Variants in CAMKMT observed in about 807,000 individuals in gnomAD.
CAMKMT encodes the protein CaM KMT.
CAMKMT carries 53 observed loss-of-function variants against 48.0 expected under a neutral mutation model. That is an observed-to-expected ratio of 1.10 (90% confidence interval 0.89 to 1.39). The LOEUF (loss-of-function observed/expected upper bound fraction) is 1.39. Among genes scored for constraint, CAMKMT ranks in the 40% most tolerant of loss-of-function variants. CAMKMT has a pLI of 0.00. For synonymous variants in CAMKMT, 165 were observed against 152.3 expected, an observed-to-expected ratio of 1.08 and a Z score of -0.61; for missense variants, 428 against 402.7, an observed-to-expected ratio of 1.06 and a Z score of -0.54.
rs764033720 is a variant in CAMKMT at position 44,362,105 on chromosome 2, C to T, written c.98C>T (p.Ser33Leu). Reference sequence around the variant, plus strand: ...TGCACCACTCGGGGGCCCGTAGTCTCGGCGCCCCTGGGAGCCGCCCGGTGG... The same window carrying T: ...TGCACCACTCGGGGGCCCGTAGTCTTGGCGCCCCTGGGAGCCGCCCGGTGG... ...VGCTTRGPVVSAPLGAARWKL... is the reference protein window; with the variant it reads ...VGCTTRGPVVLAPLGAARWKL... The change falls in exon 1 of 11, where the codon TCG (serine) becomes TTG (leucine). Residue 33 changes from serine to leucine, a missense_variant. By Grantham distance (145) the Ser-to-Leu change is moderately radical. Transcript: ENST00000378494. 8 of 1,467,212 alleles carry T rather than the reference C, an allele frequency of 5.5e-6. No homozygotes were observed. The African/African-American group carries it at 1.0e-4, about 19-fold the overall frequency. The allele number at this position is 1,467,212 out of a possible 1,614,324, so 90.9% of individuals were successfully genotyped here. A position where few individuals can be genotyped will look rare whatever the true frequency, so the allele number is the denominator to read the frequency against.
intron 3 of CAMKMT, among the ~76,000 whole-genome samples, chr2:44,602,760 A>T (rs768111361): frequency 6.6e-6 from 1 of 152,042 alleles, no homozygotes; most frequent in Non-Finnish European, 1.5e-5. Flanking sequence ...CCTCACAAAC[A>T]TGAGAATAGC....
chr2:44,663,118 A>T lies in CAMKMT; in HGVS notation c.377-41165A>T, dbSNP rs149599612. Among the ~76,000 whole-genome samples, 968 of 152,324 alleles carry T rather than the reference A, an allele frequency of 6.4e-3. 13 individuals are homozygous for T. Among genetic ancestry groups the T allele is most frequent in the African/African-American group, 0.022 (906 of 41,580 alleles). ...TTAAACAGCCATGGTATAATTATAA[A>T]ATCAGGAAATTTAACATTGGTATAA... On this transcript the variant is annotated intron_variant, in intron 3 of 10. Coordinates refer to ENST00000378494, the MANE Select transcript of CAMKMT (RefSeq NM_024766.5).
intron 3 of CAMKMT, among the ~76,000 whole-genome samples, chr2:44,614,167 T>G (rs552391561): frequency 1.3e-5 from 2 of 152,152 alleles, no homozygotes. Context: ...GGACTAGATA[T>G]TGAAAGTGAA....
intron 3 of CAMKMT, among the ~76,000 whole-genome samples, chr2:44,405,696 T>G (rs1682729779): frequency 6.6e-6 from 1 of 152,066 alleles, no homozygotes; most frequent in Non-Finnish European, 1.5e-5. Context: ...TCATCCAAGA[T>G]AATAATAACT....
chr2:44,655,864 G>A (rs1445917427), intron 3 of CAMKMT, among the ~76,000 whole-genome samples: 3 of 152,160 alleles, frequency 2.0e-5, no homozygotes, highest in Non-Finnish European at 4.4e-5. Context: ...GGAATCTGGA[G>A]AAGCCAGTAG....
intron 8 of CAMKMT, among the ~76,000 whole-genome samples, chr2:44,749,042 A>C (rs555414980): frequency 6.6e-6 from 1 of 152,296 alleles, no homozygotes; most frequent in South Asian, 2.1e-4. Flanking sequence ...GGGAAAGATA[A>C]AGTCTTTCCA....
In CAMKMT at chr2:44,707,453, G is replaced by T. The variant is rs1449794931; in HGVS notation, c.547G>T (p.Ala183Ser). 1 of 1,611,984 alleles carries T rather than the reference G, an allele frequency of 6.2e-7. No homozygotes were observed. The highest frequency in any genetic ancestry group is 1.7e-5 in the Admixed American group (1 of 59,858). Residue 183 changes from alanine to serine, a missense_variant, in exon 6 of 11, where the codon GCC (alanine) becomes TCC (serine). Transcript: ENST00000378494. Reference sequence around the variant, plus strand: ...TCTGTTAACTGATGGGAATGAAAAGGCCATCAGAAGTATCCTTATTCAGAT... The same window carrying T: ...TCTGTTAACTGATGGGAATGAAAAGTCCATCAGAAGTATCCTTATTCAGAT... ...EVLLTDGNEK[A>S]IRNVQDIITR...
At chr2:44,548,850 G>A (rs1287487511) in intron 3 of CAMKMT, among the ~76,000 whole-genome samples, 1 of 152,080 alleles carries the variant, frequency 6.6e-6, no homozygotes, top group African/African-American at 2.4e-5. Flanking sequence ...AACTTTTTTA[G>A]AGCCTCCAGA....
At chr2:44,384,500 C>CTTTTTTTTTTTTTT (rs141017634) in intron 2 of CAMKMT, among the ~76,000 whole-genome samples, 73 of 95,752 alleles carry the variant, frequency 7.6e-4, no homozygotes, top group Non-Finnish European at 1.2e-3. Flanking sequence ...AGCTATTTAT[C>CTTTTTTTTTTTTTT]TTTTTTTTTT....
At chr2:44,526,843 C>T (rs1666138575) in intron 3 of CAMKMT, among the ~76,000 whole-genome samples, 1 of 151,934 alleles carries the variant, frequency 6.6e-6, no homozygotes, top group Non-Finnish European at 1.5e-5. Flanking sequence ...TTACAAAAGC[C>T]CCCAAATATT....
At position 44,414,790 on chromosome 2, in the gene CAMKMT, T is replaced by A. The variant is rs560517719; in HGVS notation, c.376+24485T>A. The stretch of plus-strand genomic sequence containing the variant: ...ATTGGTAGTTCTCTAGCTGGCTATC[T>A]GTAAGTCTCCAAAGCTACACTTGAA... On this transcript the variant is annotated intron_variant, in intron 3 of 10. Transcript: ENST00000378494. 3.3e-5 allele frequency among the ~76,000 whole-genome samples: 5 copies of A among 152,346 alleles called. No homozygotes were observed. In the East Asian group the frequency reaches 9.6e-4, roughly 29 times the overall value.
At chr2:44,491,533 G>T (rs1669506038) in intron 3 of CAMKMT, among the ~76,000 whole-genome samples, 1 of 152,164 alleles carries the variant, frequency 6.6e-6, no homozygotes, top group Non-Finnish European at 1.5e-5. Flanking sequence ...TATTTTAAAT[G>T]TGTTAATTTA....
chr2:44,443,902 G>A (rs1039415072), intron 3 of CAMKMT, among the ~76,000 whole-genome samples: 1 of 152,118 alleles, frequency 6.6e-6, no homozygotes, highest in Admixed American at 6.6e-5. Flanking sequence ...ACAGAATTGG[G>A]CATAATAATG....
intron 6 of CAMKMT, among the ~76,000 whole-genome samples, chr2:44,709,780 A>G (rs1259335871): frequency 6.6e-6 from 1 of 152,160 alleles, no homozygotes; most frequent in African/African-American, 2.4e-5. Context: ...GTTGTAGGAT[A>G]TTATTCAAAA....
At chr2:44,596,856 T>C (rs1299145739) in intron 3 of CAMKMT, among the ~76,000 whole-genome samples, 2 of 152,218 alleles carry the variant, frequency 1.3e-5, no homozygotes, top group Non-Finnish European at 2.9e-5. Context: ...GCATATATAA[T>C]AGATTCCTTT....
intron 1 of CAMKMT, among the ~76,000 whole-genome samples, 190 bp from the exon 2 acceptor site, chr2:44,372,526 C>T (rs1679283009): frequency 6.6e-6 from 1 of 150,604 alleles, no homozygotes; most frequent in Non-Finnish European, 1.5e-5. Flanking sequence ...TCTCTGATGT[C>T]TTCAAGTAAT....
chr2:44,694,687 G>A (rs1319101836), intron 3 of CAMKMT, among the ~76,000 whole-genome samples: 1 of 152,242 alleles, frequency 6.6e-6, no homozygotes, highest in East Asian at 1.9e-4. Context: ...ACAGACAGCT[G>A]TTTTAGTGTT....
intron 7 of CAMKMT, among the ~76,000 whole-genome samples, chr2:44,739,838 A>G (rs1425408281): frequency 6.6e-6 from 1 of 152,186 alleles, no homozygotes; most frequent in Admixed American, 6.5e-5. Context: ...TCAGGAGAGG[A>G]TATTTTACAA....
At chr2:44,680,270 C>T (rs1327169207) in intron 3 of CAMKMT, among the ~76,000 whole-genome samples, 1 of 152,158 alleles carries the variant, frequency 6.6e-6, no homozygotes, top group Non-Finnish European at 1.5e-5. Context: ...CATGTAAGGT[C>T]AGTGCTAGCC....
Sources: allele counts gnomAD v4.1 joint callset (sites outside exome capture counted in the v4.1 genomes callset), GRCh38; gene constraint gnomAD v4.1.1; transcripts MANE v1.5; gene names NCBI Gene and HGNC (gene_info 2026-07-23, HGNC 2026-07-21).